The following PRDM1 variants were observed in gnomAD, a reference collection of about 807,000 sequenced individuals.
PRDM1 encodes PR/SET domain 1, also known as PR domain zinc finger protein 1.
In PRDM1, 13 loss-of-function variants were observed where a neutral mutation model predicts 62.8. The ratio of observed to expected loss-of-function variants is 0.21; its 90% confidence interval spans 0.13 to 0.33. The LOEUF (loss-of-function observed/expected upper bound fraction) is 0.33. Ranked by LOEUF, PRDM1 falls within the 10% of genes least tolerant of loss-of-function variation. PRDM1 has a pLI of 1.00. For synonymous variants in PRDM1, 396 were observed against 417.6 expected (o/e 0.95, Z 0.63); for missense variants, 895 against 1,058.8 (o/e 0.85, Z 2.15).
intron 1 of PRDM1, among the ~76,000 whole-genome samples, chr6:106,072,892 T>G (rs1303371226): frequency 6.6e-6 from 1 of 152,142 alleles, no homozygotes; most frequent in Non-Finnish European, 1.5e-5. Flanking sequence ...TAGCCTATGT[T>G]GTGTACAGAT....
intron 2 of PRDM1, among the ~76,000 whole-genome samples, chr6:106,094,608 A>C (rs1279907731): frequency 2.0e-5 from 3 of 152,170 alleles, no homozygotes; most frequent in African/African-American, 4.8e-5. Context: ...ACTTAATTTC[A>C]AAGGAGGGCT....
At chr6:106,009,823 T>A (rs1772524300) in intron 1 of PRDM1, among the ~76,000 whole-genome samples, 1 of 152,182 alleles carries the variant, frequency 6.6e-6, no homozygotes, top group Non-Finnish European at 1.5e-5. Flanking sequence ...GTTCAAGCAA[T>A]TCTCCTGCCT....
At chr6:106,048,103 C>A (rs749572131), upstream of PRDM1, among the ~76,000 whole-genome samples, 1 of 151,844 alleles carries the variant, frequency 6.6e-6, no homozygotes, top group Non-Finnish European at 1.5e-5. Flanking sequence ...ATAGCATGGG[C>A]CCTGTGTCTG....
rs1436604760 is a variant in PRDM1, at chr6:106,072,512, A to AAG, written c.-66-15688_-66-15687insGA. Among the ~76,000 whole-genome samples the AAG allele has an allele frequency of 2.0e-5, 3 of 152,210 alleles. No homozygotes were observed. In the East Asian group the frequency reaches 5.8e-4, roughly 29 times the overall value. ...AGGGGGAGGAATAGAAGAAGGGAAG[A>AAG]ATATATATAGAGAGAACAATTCCCT... On this transcript the variant is annotated intron_variant, in intron 1 of 6. Transcript: ENST00000651185.
At chr6:106,054,396 GTCTA>G (rs1435617962) in intron 1 of PRDM1, among the ~76,000 whole-genome samples, 3 of 151,900 alleles carry the variant, frequency 2.0e-5, no homozygotes, top group South Asian at 2.1e-4. Context: ...GTTCCTTTCT[GTCTA>G]TCTCTCTCTC....
chr6:106,015,094 T>C (rs959732108), intron 1 of PRDM1, among the ~76,000 whole-genome samples: 4 of 152,188 alleles, frequency 2.6e-5, no homozygotes, highest in Non-Finnish European at 5.9e-5. Flanking sequence ...TTTGCTGGGA[T>C]GGATAACTCA....
At chr6:106,090,798 A>G (rs1329364433) in intron 2 of PRDM1, among the ~76,000 whole-genome samples, 1 of 151,610 alleles carries the variant, frequency 6.6e-6, no homozygotes, top group Admixed American at 6.6e-5. Flanking sequence ...ATGTTACAAT[A>G]TGTACTATTG....
chr6:106,076,032 A>G (rs1017217827), intron 1 of PRDM1, among the ~76,000 whole-genome samples: 2 of 151,412 alleles, frequency 1.3e-5, no homozygotes, highest in Non-Finnish European at 2.9e-5. Flanking sequence ...GCTCACTGTA[A>G]CCTCCACTTC....
At position 106,108,808 on chromosome 6, in the gene PRDM1, C is replaced by T; in HGVS notation, c.*1322C>T. ...AGGGCATTGCAAAGTTGTTCAACAA[C>T]AGTTACCTCATTGAGTGTGTCCAGT... is the stretch of plus-strand genomic sequence containing the variant. On this transcript the variant is annotated 3_prime_UTR_variant, in exon 7 of 7. Transcript: ENST00000369096. 1 of 232,868 alleles carries T rather than the reference C, an allele frequency of 4.3e-6. No individual in the cohort carries two copies. The highest frequency in any genetic ancestry group is 6.0e-5 in the East Asian group (1 of 16,576). 14.4% of individuals were successfully genotyped at this position (232,868 alleles called of 1,614,324 possible). A position where few individuals can be genotyped will look rare whatever the true frequency, so the allele number is the denominator to read the frequency against.
chr6:106,107,294 G>C lies in PRDM1; in HGVS notation c.2286G>C (p.Val762=), dbSNP rs375187854. The C allele has an allele frequency of 3.1e-5, 50 of 1,613,998 alleles. No individual in the cohort carries two copies. The highest frequency in any genetic ancestry group is 3.8e-5 in the Non-Finnish European group (45 of 1,180,040). ...TAGTGGAGAAGGAAATTCTGGCCGT[G>C]GTCAGAAAAGAGAAAGAAGAAACTG... The part of the protein sequence containing the change: ...ISVVEKEILA[V]VRKEKEETGL... Residue 762 remains valine, a synonymous_variant, in exon 7 of 7, where the codon GTG becomes GTC. Coordinates refer to ENST00000369096, the MANE Select transcript of PRDM1 (RefSeq NM_001198.4).
intron 1 of PRDM1, among the ~76,000 whole-genome samples, chr6:106,000,786 A>G (rs917854447): frequency 6.6e-6 from 1 of 152,206 alleles, no homozygotes; most frequent in African/African-American, 2.4e-5. Context: ...TGGACATGCC[A>G]TTATTAATTT....
chr6:106,108,233 TC>T lies in PRDM1; in HGVS notation c.*752del, dbSNP rs1369617401. The T allele has an allele frequency of 8.6e-6, 2 of 233,332 alleles. No individual in the cohort carries two copies. The highest frequency in any genetic ancestry group is 8.5e-6 in the Non-Finnish European group (1 of 117,950). 14.5% of individuals were successfully genotyped at this position (233,332 alleles called of 1,614,324 possible). On this transcript the variant is annotated 3_prime_UTR_variant, in exon 7 of 7. Coordinates refer to ENST00000369096, the MANE Select transcript of PRDM1 (RefSeq NM_001198.4). Reference sequence around the variant, plus strand: ...TATTTTTGTTGATAGTTCATGTTTTTCCCCCAGCCACAATTTTACCGGAAGG... The same window carrying T: ...TATTTTTGTTGATAGTTCATGTTTTTCCCCAGCCACAATTTTACCGGAAGG...
intron 1 of PRDM1, among the ~76,000 whole-genome samples, chr6:106,058,797 C>T (rs1446415906): frequency 4.6e-5 from 7 of 152,046 alleles, no homozygotes; most frequent in Admixed American, 3.3e-4. Context: ...CTTGAACTCC[C>T]GACCTCAGGT....
exon 1 of PRDM1, among the ~76,000 whole-genome samples, chr6:105,993,542 G>A (rs1772308782): frequency 6.6e-6 from 1 of 152,234 alleles, no homozygotes; most frequent in African/African-American, 2.4e-5. Flanking sequence ...GGTGCCACTT[G>A]GAAGATTGCT....
chr6:106,106,880 T>G lies in PRDM1; in HGVS notation c.1903-31T>G, dbSNP rs1437931414. On this transcript the variant is annotated intron_variant, in intron 6 of 6. Coordinates refer to ENST00000369096, the MANE Select transcript of PRDM1 (RefSeq NM_001198.4). This position sits in a 1 kb window ranked among gnomAD's most constrained non-coding sequence, Gnocchi z 4.4. ...TAATCTTCTGGCCTTCCTGTCTCCC[T>G]TCCCTGCTGTCTCTCTCCCCTACAC... The G allele has an allele frequency of 6.3e-7, 1 of 1,575,452 alleles. No individual in the cohort carries two copies. Among genetic ancestry groups the G allele is most frequent in the East Asian group, 2.3e-5 (1 of 44,378 alleles).
chr6:106,039,306 G>T (rs1357687034), intron 1 of PRDM1, among the ~76,000 whole-genome samples: 2 of 152,124 alleles, frequency 1.3e-5, no homozygotes, highest in Non-Finnish European at 1.5e-5. Context: ...GAGCCTTTTT[G>T]TGTATATGGA....
At chr6:106,079,848 A>G (rs926444467) in intron 1 of PRDM1, among the ~76,000 whole-genome samples, 1 of 152,220 alleles carries the variant, frequency 6.6e-6, no homozygotes, top group Non-Finnish European at 1.5e-5. Flanking sequence ...TGATGGTTGG[A>G]ATTGTTAATT....
At chr6:106,097,051 C>G (rs1774132699) in intron 3 of PRDM1, among the ~76,000 whole-genome samples, 1 of 152,054 alleles carries the variant, frequency 6.6e-6, no homozygotes, top group Admixed American at 6.5e-5. Context: ...AGAAATTTAT[C>G]TTACTATTTC....
chr6:106,098,359 C>T, intron 3 of PRDM1: 1 of 985,352 alleles, frequency 1.0e-6, no homozygotes, highest in Non-Finnish European at 1.2e-6. Context: ...AATTTTTCTT[C>T]TTCCTCTGCC....
Sources: allele counts gnomAD v4.1 joint callset (sites outside exome capture counted in the v4.1 genomes callset), GRCh38; gene constraint gnomAD v4.1.1; non-coding constraint Gnocchi (gnomAD v3.1); transcripts MANE v1.5; gene names NCBI Gene and HGNC (gene_info 2026-07-23, HGNC 2026-07-21).